Variants in TRIP11 observed in about 807,000 individuals in gnomAD.
TRIP11 encodes thyroid receptor-interacting protein 11.
A neutral mutation model predicts 223.1 loss-of-function variants in TRIP11; 148 were observed. The observed-to-expected ratio is 0.66, with a 90% CI of 0.58 to 0.76. The LOEUF (loss-of-function observed/expected upper bound fraction) is 0.76. Among genes scored for constraint, TRIP11 ranks in the 30% least tolerant of loss-of-function variants. TRIP11 has a pLI of 0.00. For missense variants in TRIP11, 2,043 were observed against 2,222.0 expected, an observed-to-expected ratio of 0.92 and a Z score of 1.62; for synonymous variants, 762 against 772.6, an observed-to-expected ratio of 0.99 and a Z score of 0.23.
intron 20 of TRIP11, among the ~76,000 whole-genome samples, chr14:91,972,469 A>G (rs1365101813): frequency 6.6e-6 from 1 of 152,252 alleles, no homozygotes; most frequent in Non-Finnish European, 1.5e-5. Context: ...TTATTCTGAT[A>G]TACAAAGGGA....
Position 91,975,066 on chromosome 14 carries a change from G to A in TRIP11, c.5457+106C>T, listed in dbSNP as rs576946851. 2.8e-6 allele frequency: 3 copies of A among 1,061,278 alleles called. No homozygotes were observed. In the African/African-American group the frequency reaches 4.7e-5, roughly 16 times the overall value. The allele number at this position is 1,061,278 out of a possible 1,614,324, so 65.7% of individuals were successfully genotyped here. On this transcript the variant is annotated intron_variant, in intron 18 of 20. Transcript: ENST00000267622. ...TGAAGTAATTCCATTTCCACACTGA[G>A]AAAATTACACTCAGTAAAAGTTACA... is the stretch of plus-strand genomic sequence containing the variant.
Position 91,968,000 on chromosome 14 carries a change from A to G in TRIP11, c.*1673T>C. 5.0e-6 allele frequency: 1 copy of G among 201,226 alleles called. No individual in the cohort carries two copies. The highest frequency in any genetic ancestry group is 1.0e-5 in the Non-Finnish European group (1 of 97,748). 12.5% of individuals were successfully genotyped at this position (201,226 alleles called of 1,614,324 possible). ...AATTAGTTATCTAAGGAGATACAAG[A>G]CATTCTGAAGCAGCATTTTCAGTTA... is the stretch of plus-strand genomic sequence containing the variant. On this transcript the variant is annotated 3_prime_UTR_variant, in exon 21 of 21. Transcript: ENST00000267622.
intron 2 of TRIP11, among the ~76,000 whole-genome samples, chr14:92,028,760 G>A (rs1378557797): frequency 6.6e-6 from 1 of 152,126 alleles, no homozygotes; most frequent in Non-Finnish European, 1.5e-5. Flanking sequence ...GACTCCTGAT[G>A]GCCTCCAGTT....
At position 91,972,892 on chromosome 14, in the gene TRIP11, T is replaced by C. The variant is rs757512878; in HGVS notation, c.5575-31A>G. Reference sequence around the variant, plus strand: ...AAAAAATATTTTGGTTATATTAGGCTAGATAATTAAGTTATATTCACTACA... The same window carrying C: ...AAAAAATATTTTGGTTATATTAGGCCAGATAATTAAGTTATATTCACTACA... On this transcript the variant is annotated intron_variant, in intron 19 of 20. Transcript: ENST00000267622. The C allele has an allele frequency of 1.4e-5, 22 of 1,566,274 alleles. 1 individual carries two copies. In the South Asian group the frequency reaches 2.5e-4, roughly 18 times the overall value.
intron 12 of TRIP11, 68 bp from the exon 13 acceptor site, chr14:91,999,501 T>C (rs1018749974): frequency 3.9e-5 from 59 of 1,497,774 alleles, no homozygotes; most frequent in Non-Finnish European, 5.2e-5. Context: ...CATTTTGTTA[T>C]CAAATCTTTT....
At chr14:92,002,020 T>G (rs983952662) in intron 11 of TRIP11, among the ~76,000 whole-genome samples, 2 of 152,216 alleles carry the variant, frequency 1.3e-5, no homozygotes, top group African/African-American at 4.8e-5. Flanking sequence ...TTGTATCTTA[T>G]GCCTGGCAGC....
At chr14:92,028,302 G>A (rs1159993630) in intron 2 of TRIP11, among the ~76,000 whole-genome samples, 4 of 152,208 alleles carry the variant, frequency 2.6e-5, no homozygotes, top group Admixed American at 6.5e-5. Context: ...GCTCATGCCT[G>A]TAATCTCAGC....
At position 91,969,774 on chromosome 14, in the gene TRIP11, G is replaced by T; in HGVS notation, c.5839C>A (p.Leu1947Ile). ...GLGPGGPGHLLLKPISDVLPT... is the reference protein window; with the variant it reads ...GLGPGGPGHLILKPISDVLPT... ...AAAACATCTGAGATGGGTTTCAGAA[G>T]AAGATGCCCGGGCCCACCAGGTCCA... Residue 1947 changes from leucine to isoleucine, a missense_variant, in exon 21 of 21, where the codon CTT becomes ATT. Physicochemically the swap from Leu to Ile is conservative, Grantham distance 5. Coordinates refer to ENST00000267622, the MANE Select transcript of TRIP11 (RefSeq NM_004239.4). 1.9e-6 allele frequency: 3 copies of T among 1,614,150 alleles called. No homozygotes were observed. Among genetic ancestry groups the T allele is most frequent in the Non-Finnish European group, 1.7e-6 (2 of 1,180,038 alleles).
chr14:92,002,476 T>C (rs888179262), intron 11 of TRIP11, among the ~76,000 whole-genome samples: 1 of 152,088 alleles, frequency 6.6e-6, no homozygotes, highest in South Asian at 2.1e-4. Context: ...AATCAATACA[T>C]AAAAATCAAT....
chr14:92,000,028 T>G lies in TRIP11; in HGVS notation c.4638A>C (p.Arg1546Ser). 6.2e-7 allele frequency: 1 copy of G among 1,614,028 alleles called. No individual in the cohort carries two copies. Among genetic ancestry groups the G allele is most frequent in the Non-Finnish European group, 8.5e-7 (1 of 1,179,962 alleles). The change falls in exon 12 of 21, where the codon AGA becomes AGC. Residue 1546 changes from arginine to serine, a missense_variant. Arg to Ser is a moderately radical substitution (Grantham distance 110). Coordinates refer to ENST00000267622, the MANE Select transcript of TRIP11 (RefSeq NM_004239.4). ...GTTTCAGGGCCAACATGACTTGGTC[T>G]CTCTCCTGTTGAAACACAACTGTCT... is the stretch of plus-strand genomic sequence containing the variant. ...QEKTVVFQQE[R>S]DQVMLALKQK... is the part of the protein sequence containing the mutation.
At chr14:91,969,985 T>C (rs2056381872) in intron 20 of TRIP11, 92 bp from the exon 21 acceptor site, 1 of 1,218,214 alleles carries the variant, frequency 8.2e-7, no homozygotes, top group Admixed American at 2.0e-5. Flanking sequence ...GTTATCTGTG[T>C]AATATTGTTA....
At chr14:92,013,325 C>A (rs1595395338) in intron 7 of TRIP11, among the ~76,000 whole-genome samples, 1 of 152,100 alleles carries the variant, frequency 6.6e-6, no homozygotes, top group East Asian at 1.9e-4. Flanking sequence ...TAGACACTAT[C>A]CTAAAGAGCG....
chr14:91,970,616 C>CGGG (rs1186861878), intron 20 of TRIP11, among the ~76,000 whole-genome samples: 1 of 151,984 alleles, frequency 6.6e-6, no homozygotes. Context: ...TCATATGCTG[C>CGGG]GGGGTTCTGG....
At chr14:92,026,875 C>T (rs373449823) in intron 2 of TRIP11, 12 of 1,517,570 alleles carry the variant, frequency 7.9e-6, no homozygotes, top group South Asian at 4.7e-5. Flanking sequence ...AGAAGACCGA[C>T]GAGGATGACT....
chr14:92,028,077 T>C (rs950484566), intron 2 of TRIP11, among the ~76,000 whole-genome samples: 2 of 152,236 alleles, frequency 1.3e-5, no homozygotes, highest in African/African-American at 4.8e-5. Context: ...ACACCATACA[T>C]AACTCAGCGA....
intron 11 of TRIP11, among the ~76,000 whole-genome samples, chr14:92,001,631 G>GCA (rs2056828090): frequency 6.6e-6 from 1 of 152,164 alleles, no homozygotes; most frequent in African/African-American, 2.4e-5. Flanking sequence ...AGTGAGGAGA[G>GCA]TGTTAATAAT....
At position 92,039,584 on chromosome 14, in the gene TRIP11, T is replaced by C; in HGVS notation, c.102A>G (p.Thr34=). ...CCGTGCCCTCCATCAGCATATCCTTTGTAAAGTTTGATATCTGGCCAGTGA... is the reference window on the plus strand; with the variant it reads ...CCGTGCCCTCCATCAGCATATCCTTCGTAAAGTTTGATATCTGGCCAGTGA... ...ASLTGQISNF[T]KDMLMEGTEE... Residue 34 remains threonine (T), a synonymous_variant, in exon 1 of 21, where the codon ACA becomes ACG. Coordinates refer to ENST00000267622, the MANE Select transcript of TRIP11 (RefSeq NM_004239.4). 1 of 1,613,876 alleles carries C rather than the reference T, an allele frequency of 6.2e-7. No homozygotes were observed. The highest frequency in any genetic ancestry group is 8.5e-7 in the Non-Finnish European group (1 of 1,179,966).
rs187861187 is a variant in TRIP11, at chr14:91,972,684, C to T, written c.5719+33G>A. On this transcript the variant is annotated intron_variant, in intron 20 of 20. Coordinates refer to ENST00000267622, the MANE Select transcript of TRIP11 (RefSeq NM_004239.4). Reference sequence around the variant, plus strand: ...AATCATACATTAAACATTCAATTTTCAAATTATAGAAAAATTAAATCTCTA... The same window carrying T: ...AATCATACATTAAACATTCAATTTTTAAATTATAGAAAAATTAAATCTCTA... 4,117 of 1,581,244 alleles carry T rather than the reference C, an allele frequency of 2.6e-3. 7 individuals carry two copies. The highest frequency in any genetic ancestry group is 3.3e-3 in the Non-Finnish European group (3,788 of 1,160,848).
intron 4 of TRIP11, among the ~76,000 whole-genome samples, chr14:92,018,236 A>G (rs1468837307): frequency 6.6e-6 from 1 of 151,834 alleles, no homozygotes; most frequent in African/African-American, 2.4e-5. Flanking sequence ...CTGGGACTAC[A>G]AGCACATGCC....
Sources: allele counts gnomAD v4.1 joint callset (sites outside exome capture counted in the v4.1 genomes callset), GRCh38; gene constraint gnomAD v4.1.1; transcripts MANE v1.5; gene names NCBI Gene and HGNC (gene_info 2026-07-23, HGNC 2026-07-21).